Variants in SGSM3 observed in about 807,000 individuals in gnomAD.
SGSM3 encodes RUN and SH3 containing 3.
In SGSM3, 96 loss-of-function variants were observed where a neutral mutation model predicts 100.5. The observed-to-expected ratio is 0.96, with a 90% CI of 0.81 to 1.13. The LOEUF is 1.13. Ranked by LOEUF, SGSM3 falls within the 50% of genes most tolerant of loss-of-function variation. The pLI is 0.00. For missense variants in SGSM3, 1,001 were observed against 1,015.8 expected, an observed-to-expected ratio of 0.99 and a Z score of 0.20; for synonymous variants, 483 against 422.8, an observed-to-expected ratio of 1.14 and a Z score of -1.75.
rs769930461 is a variant in SGSM3 at position 40,409,521 on chromosome 22, G to C, written c.2168G>C (p.Arg723Thr). 16 of 1,600,212 alleles carry C rather than the reference G, an allele frequency of 1.0e-5. No individual in the cohort carries two copies. The highest frequency in any genetic ancestry group is 2.2e-5 in the East Asian group (1 of 44,638). Residue 723 changes from arginine to threonine, a missense_variant, in exon 21 of 22, where the codon AGA becomes ACA. Transcript: ENST00000248929. ...CAGGACTGGGAGCTCCCTGCGAAGA[G>C]AGAGGTGGGTGGTGTGGGCCTCGTA... ...LSQDWELPAK[R>T]EAQQPLKEGV... is the part of the protein sequence containing the mutation.
Position 40,410,234 on chromosome 22 carries a change from G to T in SGSM3, c.*475G>T. 1.9e-6 allele frequency: 2 copies of T among 1,030,888 alleles called. No individual in the cohort carries two copies. Among genetic ancestry groups the T allele is most frequent in the Non-Finnish European group, 2.4e-6 (2 of 850,428 alleles). The allele number at this position is 1,030,888 out of a possible 1,614,324, so 63.9% of individuals were successfully genotyped here. A position where few individuals can be genotyped will look rare whatever the true frequency, so the allele number is the denominator to read the frequency against. On this transcript the variant is annotated 3_prime_UTR_variant, in exon 22 of 22. Coordinates refer to ENST00000248929, the MANE Select transcript of SGSM3 (RefSeq NM_015705.6). ...AGATGCTGGGACACAACAGACCCGGGACCCAGCTGTGCTACCCACCCCTTC... is the reference window on the plus strand; with the variant it reads ...AGATGCTGGGACACAACAGACCCGGTACCCAGCTGTGCTACCCACCCCTTC...
rs781040855 is a variant in SGSM3 at position 40,407,458 on chromosome 22, G to A, written c.1414G>A (p.Glu472Lys). The change falls in exon 13 of 22, where the codon GAG (glutamate) becomes AAG (lysine). Residue 472 changes from glutamate to lysine, a missense_variant. Physicochemically the swap from Glu to Lys is moderately conservative, Grantham distance 56. Coordinates refer to ENST00000248929, the MANE Select transcript of SGSM3 (RefSeq NM_015705.6). This position sits in a 1 kb window ranked among gnomAD's most constrained non-coding sequence, Gnocchi z 4.7. ...CATGGAGAGCCACCAGCGGGACCAC[G>A]AGAACTACGTGGCGTGCTCACGCAG... ...YSMESHQRDH[E>K]NYVACSRSHR... The A allele has an allele frequency of 9.3e-6, 15 of 1,612,332 alleles. No homozygotes were observed. Among genetic ancestry groups the A allele is most frequent in the East Asian group, 8.9e-5 (4 of 44,890 alleles).
At position 40,409,233 on chromosome 22, in the gene SGSM3, C is replaced by T. The variant is rs1170356259; in HGVS notation, c.1989-17C>T. ...CCTGGAGCTGCCCCTGCTCCCCACT[C>T]CTGGCCATGTCCCCAGTGAGCAGGT... is the stretch of plus-strand genomic sequence containing the variant. On this transcript the variant is annotated splice_polypyrimidine_tract_variant and intron_variant, in intron 19 of 21. Transcript: ENST00000248929. 1.3e-6 allele frequency: 2 copies of T among 1,591,978 alleles called. No individual in the cohort carries two copies. The highest frequency in any genetic ancestry group is 1.7e-6 in the Non-Finnish European group (2 of 1,172,052).
chr22:40,404,927 C>A (rs886196917), intron 6 of SGSM3, among the ~76,000 whole-genome samples: 4 of 152,176 alleles, frequency 2.6e-5, no homozygotes, highest in Non-Finnish European at 4.4e-5. Context: ...GGCCTCGGGC[C>A]ACACGTTTTC....
intron 10 of SGSM3, 86 bp from the exon 11 acceptor site, chr22:40,406,931 T>C (rs1461903967): frequency 1.5e-6 from 2 of 1,322,398 alleles, no homozygotes; most frequent in Non-Finnish European, 2.1e-6. Context: ...CAGAGGCTAT[T>C]TCAGATGAGA....
At position 40,407,227 on chromosome 22, in the gene SGSM3, G is replaced by GC; in HGVS notation, c.1269dup (p.Lys424GlnfsTer11). On this transcript the variant is annotated frameshift_variant, in exon 12 of 22. Coordinates refer to ENST00000248929, the MANE Select transcript of SGSM3 (RefSeq NM_015705.6). LOFTEE classifies it high-confidence loss of function. The surrounding 1 kb of genome is among the most constrained non-coding windows in gnomAD (Gnocchi z 4.7). ...GGAGGATGACCTGGAGGCACTCAAGGCCAAGAACATCAAGCAGACGGAACT... is the reference window on the plus strand; with the variant it reads ...GGAGGATGACCTGGAGGCACTCAAGGCCCAAGAACATCAAGCAGACGGAACT... 6.2e-7 allele frequency: 1 copy of GC among 1,613,684 alleles called. No individual in the cohort carries two copies. Among genetic ancestry groups the GC allele is most frequent in the Non-Finnish European group, 8.5e-7 (1 of 1,180,000 alleles).
chr22:40,401,577 T>A lies in SGSM3; in HGVS notation c.8-16T>A. On this transcript the variant is annotated splice_polypyrimidine_tract_variant and intron_variant, in intron 2 of 21. Transcript: ENST00000248929. The stretch of plus-strand genomic sequence containing the variant: ...TGCATTTTCTTGATTGTTCTCCTGG[T>A]CCTCTTTGGTTTTAGGAAGCCATAC... 1 of 1,604,602 alleles carries A rather than the reference T, an allele frequency of 6.2e-7. No homozygotes were observed. The highest frequency in any genetic ancestry group is 8.5e-7 in the Non-Finnish European group (1 of 1,172,100).
chr22:40,410,019 CTG>C lies in SGSM3; in HGVS notation c.*263_*264del, dbSNP rs1489135637. 9.0e-6 allele frequency: 12 copies of C among 1,328,766 alleles called. No individual in the cohort carries two copies. The East Asian group carries it at 3.0e-4, about 34-fold the overall frequency. 82.3% of individuals were successfully genotyped at this position (1,328,766 alleles called of 1,614,324 possible). A position where few individuals can be genotyped will look rare whatever the true frequency, so the allele number is the denominator to read the frequency against. On this transcript the variant is annotated 3_prime_UTR_variant, in exon 22 of 22. Transcript: ENST00000248929. ...TTGTGAGGAGGTGGGGGAGCCATGT[CTG>C]TGCTCAGGAAGAGGGAAGGGGATGG...
At position 40,407,002 on chromosome 22, in the gene SGSM3, C is replaced by T; in HGVS notation, c.1186-15C>T. 6.4e-7 allele frequency: 1 copy of T among 1,563,548 alleles called. No homozygotes were observed. The highest frequency in any genetic ancestry group is 1.2e-5 in the South Asian group (1 of 85,006). ...CCGGGGCCAGGACCACCCTGACCCA[C>T]TCCTCTTGGTGCAGGTTGTTCGCCG... is the stretch of plus-strand genomic sequence containing the variant. On this transcript the variant is annotated splice_polypyrimidine_tract_variant and intron_variant, in intron 10 of 21. Transcript: ENST00000248929. The surrounding 1 kb of genome is among the most constrained non-coding windows in gnomAD (Gnocchi z 4.7).
chr22:40,381,831 A>G (rs2047628873), intron 1 of SGSM3, among the ~76,000 whole-genome samples: 1 of 152,158 alleles, frequency 6.6e-6, no homozygotes, highest in Non-Finnish European at 1.5e-5. Flanking sequence ...ATGGTGGTAT[A>G]TGCCTTAGTC....
chr22:40,404,618 A>G lies in SGSM3; in HGVS notation c.428A>G (p.Glu143Gly). 2 of 1,613,594 alleles carry G rather than the reference A, an allele frequency of 1.2e-6. No individual in the cohort carries two copies. Among genetic ancestry groups the G allele is most frequent in the African/African-American group, 1.3e-5 (1 of 74,984 alleles). Residue 143 changes from glutamate (E) to glycine (G), a missense_variant, in exon 6 of 22, where the codon GAG becomes GGG. Physicochemically the swap from Glu to Gly is moderately conservative, Grantham distance 98 (BLOSUM62 -2). Transcript: ENST00000248929. The part of the protein sequence containing the change: ...KKRNSELSYR[E>G]IVKNSSNDET... The stretch of plus-strand genomic sequence containing the variant: ...AGGAACTCTGAGCTGTCCTACCGCG[A>G]GATTGTGAAGAACAGCTCCAACGAT...
intron 1 of SGSM3, among the ~76,000 whole-genome samples, chr22:40,379,975 T>C (rs1010392172): frequency 6.6e-6 from 1 of 152,168 alleles, no homozygotes; most frequent in Non-Finnish European, 1.5e-5. Flanking sequence ...CCTCCTAAAG[T>C]GCTGGGATTA....
At chr22:40,374,442 C>A (rs2046195410) in intron 1 of SGSM3, among the ~76,000 whole-genome samples, 2 of 152,196 alleles carry the variant, frequency 1.3e-5, no homozygotes, top group African/African-American at 4.8e-5. Flanking sequence ...ACAGTATAGG[C>A]TTTAGAGTCT....
Position 40,405,281 on chromosome 22 carries a change from C to T in SGSM3, c.615C>T (p.Gly205=), listed in dbSNP as rs773262386. Residue 205 remains glycine (G), a synonymous_variant, in exon 7 of 22, where the codon GGC becomes GGT. Transcript: ENST00000248929. ...YPEIGYCQGT[G]MVAACLLLFL... ...AGATCGGCTACTGCCAGGGCACCGG[C>T]ATGGTGAGCACAGCCCCAGAAAGGG... 8 of 1,505,254 alleles carry T rather than the reference C, an allele frequency of 5.3e-6. No individual in the cohort carries two copies. In the South Asian group the frequency reaches 9.3e-5, roughly 17 times the overall value. The allele number at this position is 1,505,254 out of a possible 1,614,324, so 93.2% of individuals were successfully genotyped here.
rs1449646457 is a variant in SGSM3, at chr22:40,404,375, A to G, written c.286A>G (p.Lys96Glu). The G allele has an allele frequency of 1.9e-6, 3 of 1,608,400 alleles. No individual in the cohort carries two copies. Among genetic ancestry groups the G allele is most frequent in the Non-Finnish European group, 2.5e-6 (3 of 1,176,922 alleles). Reference sequence around the variant, plus strand: ...CGATGTGGGGGATCTCACCTGGGACAAGATTGCCGTCTCCCTACCCCGCTC... The same window carrying G: ...CGATGTGGGGGATCTCACCTGGGACGAGATTGCCGTCTCCCTACCCCGCTC... ...NHDVGDLTWDKIAVSLPRSEK... is the reference protein window; with the variant it reads ...NHDVGDLTWDEIAVSLPRSEK... Residue 96 changes from lysine to glutamate, a missense_variant, in exon 5 of 22, where the codon AAG (lysine) becomes GAG (glutamate). Transcript: ENST00000248929.
At chr22:40,372,025 T>C (rs1031937415) in intron 1 of SGSM3, among the ~76,000 whole-genome samples, 8 of 151,274 alleles carry the variant, frequency 5.3e-5, no homozygotes, top group East Asian at 2.0e-4. Context: ...TCTATAGATA[T>C]CTTTCCTGGC....
rs1418236775 is a variant in SGSM3 at position 40,407,719 on chromosome 22, T to C, written c.1525-70T>C. 2 of 1,589,272 alleles carry C rather than the reference T, an allele frequency of 1.3e-6. No homozygotes were observed. The highest frequency in any genetic ancestry group is 1.1e-5 in the South Asian group (1 of 90,514). The stretch of plus-strand genomic sequence containing the variant: ...GCCTGGCCTAGTTGCTGAGGAGTCA[T>C]ATCGGGGGTGCAGGAGGCGCTGGCC... On this transcript the variant is annotated intron_variant, in intron 13 of 21. Coordinates refer to ENST00000248929, the MANE Select transcript of SGSM3 (RefSeq NM_015705.6). The surrounding 1 kb of genome is among the most constrained non-coding windows in gnomAD (Gnocchi z 4.7).
Position 40,401,596 on chromosome 22 carries a change from G to A in SGSM3, c.11G>A (p.Ser4Asn), listed in dbSNP as rs895069567. 32 of 1,612,450 alleles carry A rather than the reference G, an allele frequency of 2.0e-5. No homozygotes were observed. The highest frequency in any genetic ancestry group is 2.6e-5 in the Non-Finnish European group (31 of 1,178,854). Residue 4 changes from serine (S) to asparagine (N), a missense_variant, in exon 3 of 22, where the codon AGC becomes AAC. Coordinates refer to ENST00000248929, the MANE Select transcript of SGSM3 (RefSeq NM_015705.6). ...TCCTGGTCCTCTTTGGTTTTAGGAAGCCATACACCTGCCTGTGGCCCTTTC... is the reference window on the plus strand; with the variant it reads ...TCCTGGTCCTCTTTGGTTTTAGGAAACCATACACCTGCCTGTGGCCCTTTC... MSG[S>N]HTPACGPFSA... is the part of the protein sequence containing the mutation.
At chr22:40,382,157 C>T (rs558215388) in intron 1 of SGSM3, among the ~76,000 whole-genome samples, 1 of 152,152 alleles carries the variant, frequency 6.6e-6, no homozygotes, top group African/African-American at 2.4e-5. Flanking sequence ...AAGTTTAGGA[C>T]TCATCAATCT....
Sources: allele counts gnomAD v4.1 joint callset (sites outside exome capture counted in the v4.1 genomes callset), GRCh38; gene constraint gnomAD v4.1.1; non-coding constraint Gnocchi (gnomAD v3.1); transcripts MANE v1.5; gene names NCBI Gene and HGNC (gene_info 2026-07-23, HGNC 2026-07-21).